Variants in RNF25 observed in about 807,000 individuals in gnomAD.
RNF25 encodes ring finger protein 25, also known as E3 ubiquitin-protein ligase RNF25.
A neutral mutation model predicts 65.0 loss-of-function variants in RNF25; 32 were observed. That is an observed-to-expected ratio of 0.49 (90% CI 0.37 to 0.66). The LOEUF is 0.66. Ranked by LOEUF, RNF25 falls within the 30% of genes least tolerant of loss-of-function variation. The probability of loss-of-function intolerance (pLI) is 0.00; values close to 1 mark genes in which losing one functional copy is unlikely to be tolerated. For synonymous variants in RNF25, 207 were observed against 221.2 expected, an observed-to-expected ratio of 0.94 and a Z score of 0.57; for missense variants, 493 against 584.8, an observed-to-expected ratio of 0.84 and a Z score of 1.62.
In RNF25 at chr2:218,668,243, G is replaced by A. The variant is rs748720228; in HGVS notation, c.215C>T (p.Ala72Val). The A allele has an allele frequency of 6.2e-7, 1 of 1,613,678 alleles. No individual in the cohort carries two copies. Among genetic ancestry groups the A allele is most frequent in the African/African-American group, 1.3e-5 (1 of 74,928 alleles). ...GCCACACAGTAGGGGCTTCACCTCTGCTGGGACCTGAAGCACCAGAGTGAA... is the reference window on the plus strand; with the variant it reads ...GCCACACAGTAGGGGCTTCACCTCTACTGGGACCTGAAGCACCAGAGTGAA... ...VCFTLVLQVPAEYPHEVPQIS... is the reference protein window; with the variant it reads ...VCFTLVLQVPVEYPHEVPQIS... The change falls in exon 3 of 10, where the codon GCA becomes GTA. Residue 72 changes from alanine to valine, a missense_variant. Physicochemically the swap from Ala to Val is moderately conservative, Grantham distance 64 (BLOSUM62 0). Transcript: ENST00000295704.
In RNF25 at chr2:218,668,634, A is replaced by G; in HGVS notation, c.87T>C (p.Asp29=). 3.1e-6 allele frequency: 5 copies of G among 1,612,234 alleles called. No individual in the cohort carries two copies. Among genetic ancestry groups the G allele is most frequent in the Non-Finnish European group, 4.2e-6 (5 of 1,178,352 alleles). Residue 29 remains aspartate, a synonymous_variant, in exon 2 of 10, where the codon GAT becomes GAC. Coordinates refer to ENST00000295704, the MANE Select transcript of RNF25 (RefSeq NM_022453.3). ...CATTTCCTTTAATCACCTGTAGTTC[A>G]TCTAGATAGATGGACTCCAATACTT... ...EVEVLESIYL[D]ELQVIKGNGR... is the part of the protein sequence containing the mutation.
Position 218,665,238 on chromosome 2 carries a change from C to T in RNF25, c.583G>A (p.Gly195Ser), listed in dbSNP as rs772481330. The T allele has an allele frequency of 7.3e-5, 117 of 1,613,094 alleles. 2 individuals carry two copies. The highest frequency in any genetic ancestry group is 4.4e-4 in the South Asian group (40 of 90,990). The change falls in exon 8 of 10, where the codon GGT becomes AGT. Residue 195 changes from glycine to serine, a missense_variant. Physicochemically the swap from Gly to Ser is moderately conservative, Grantham distance 56. Coordinates refer to ENST00000295704, the MANE Select transcript of RNF25 (RefSeq NM_022453.3). ...QHATTKQKAV[G>S]VQCPVCREPL... is the part of the protein sequence containing the mutation. ...TCTCTGCACACTGGACACTGCACAC[C>T]GACTGCCTTCTAAAAAAGAGAAAAA...
chr2:218,668,403 A>G, intron 2 of RNF25, 62 bp from the exon 3 acceptor site: 1 of 849,764 alleles, frequency 1.2e-6, no homozygotes, highest in Non-Finnish European at 1.9e-6. Flanking sequence ...GCTGGGGAGG[A>G]TGGGGCTGAG....
chr2:218,668,785 G>GC, intron 1 of RNF25, 106 bp from the exon 2 acceptor site: 2 of 771,866 alleles, frequency 2.6e-6, no homozygotes, highest in East Asian at 2.5e-5. Context: ...CTACCAGAAT[G>GC]CATTCTCCTG....
At chr2:218,666,116 G>C in intron 6 of RNF25, 43 bp downstream of exon 6, 1 of 1,611,642 alleles carries the variant, frequency 6.2e-7, no homozygotes, top group East Asian at 2.2e-5. Context: ...GCCCTCATCT[G>C]CTGGTCCCAA....
At chr2:218,669,550 T>C (rs576221783) in intron 1 of RNF25, among the ~76,000 whole-genome samples, 27 of 152,300 alleles carry the variant, frequency 1.8e-4, no homozygotes, top group African/African-American at 5.8e-4. Context: ...TAGATCAGCC[T>C]GTTGAGGTTA....
At position 218,664,492 on chromosome 2, in the gene RNF25, T is replaced by C. The variant is rs1463129149; in HGVS notation, c.845A>G (p.Lys282Arg). ...AAGGGTGCTGGGTGGTTGGGATCCT[T>C]TGGAGACATCTACAGCTGACTCAGG... ...AEPESAVDVS[K>R]GSQPPSTLAA... Residue 282 changes from lysine to arginine, a missense_variant, in exon 10 of 10, where the codon AAA becomes AGA. This residue lies in a region of RNF25 where 351 missense variants were observed against 400.2 expected (regional missense o/e 0.88). Coordinates refer to ENST00000295704, the MANE Select transcript of RNF25 (RefSeq NM_022453.3). This position sits in a 1 kb window ranked among gnomAD's most constrained non-coding sequence, Gnocchi z 5.1. 1.9e-6 allele frequency: 3 copies of C among 1,613,978 alleles called. No homozygotes were observed. Among genetic ancestry groups the C allele is most frequent in the Non-Finnish European group, 2.5e-6 (3 of 1,180,014 alleles).
chr2:218,664,468 A>C lies in RNF25; in HGVS notation c.869T>G (p.Leu290Arg). 1 of 1,614,138 alleles carries C rather than the reference A, an allele frequency of 6.2e-7. No homozygotes were observed. The highest frequency in any genetic ancestry group is 2.2e-5 in the East Asian group (1 of 44,884). ...VSKGSQPPST[L>R]AAELSTSPAV... ...TGGTGAGGTGGATAGTTCTGCTGCA[A>C]GGGTGCTGGGTGGTTGGGATCCTTT... is the stretch of plus-strand genomic sequence containing the variant. Residue 290 changes from leucine (L) to arginine (R), a missense_variant, in exon 10 of 10, where the codon CTT becomes CGT. Physicochemically the swap from Leu to Arg is moderately radical, Grantham distance 102 (BLOSUM62 -2). Transcript: ENST00000295704. The surrounding 1 kb of genome is among the most constrained non-coding windows in gnomAD (Gnocchi z 5.1).
rs753740435 is a variant in RNF25, at chr2:218,664,573, G to T, written c.802-38C>A. ...GACAAGATGCAGTGAGGGAGATGCA[G>T]TTCCTCAAGGTGGGGAACTACAGGC... On this transcript the variant is annotated intron_variant, in intron 9 of 9. Coordinates refer to ENST00000295704, the MANE Select transcript of RNF25 (RefSeq NM_022453.3). The surrounding 1 kb of genome is among the most constrained non-coding windows in gnomAD (Gnocchi z 5.1). 6.3e-7 allele frequency: 1 copy of T among 1,592,286 alleles called. No individual in the cohort carries two copies. Among genetic ancestry groups the T allele is most frequent in the Non-Finnish European group, 8.6e-7 (1 of 1,165,930 alleles).
chr2:218,665,313 G>T, intron 7 of RNF25, 66 bp from the exon 8 acceptor site: 1 of 1,435,784 alleles, frequency 7.0e-7, no homozygotes, highest in Non-Finnish European at 9.6e-7. Context: ...TGACCCATCA[G>T]CCAACCTAAT....
In RNF25 at chr2:218,668,279, T is replaced by C. The variant is rs890114134; in HGVS notation, c.179A>G (p.Gln60Arg). 6.2e-7 allele frequency: 1 copy of C among 1,613,968 alleles called. No individual in the cohort carries two copies. The highest frequency in any genetic ancestry group is 1.3e-5 in the African/African-American group (1 of 74,900). ...AAGCACCAGAGTGAAGCAGACATAC[T>C]GTGAATCCTGGTCCTCTGCAGTGGC... ...HPATAEDQDS[Q>R]YVCFTLVLQV... The change falls in exon 3 of 10, where the codon CAG becomes CGG. Residue 60 changes from glutamine to arginine, a missense_variant. Transcript: ENST00000295704.
At chr2:218,665,833 C>A in intron 7 of RNF25, 83 bp downstream of exon 7, 1 of 1,526,898 alleles carries the variant, frequency 6.5e-7, no homozygotes, top group Non-Finnish European at 8.8e-7. Context: ...AAGTGAAGAG[C>A]CACTGGAGTG....
At chr2:218,666,771 T>C (rs959598543) in intron 5 of RNF25, among the ~76,000 whole-genome samples, 2 of 152,238 alleles carry the variant, frequency 1.3e-5, no homozygotes, top group South Asian at 4.1e-4. Context: ...AAGGCTGCAT[T>C]GTGGAGGCCT....
At chr2:218,665,835 A>T in intron 7 of RNF25, 81 bp downstream of exon 7, 1 of 1,530,174 alleles carries the variant, frequency 6.5e-7, no homozygotes, top group South Asian at 1.3e-5. Context: ...GTGAAGAGCC[A>T]CTGGAGTGGA....
intron 1 of RNF25, among the ~76,000 whole-genome samples, chr2:218,669,025 G>C (rs1291303632): frequency 6.6e-6 from 1 of 152,174 alleles, no homozygotes; most frequent in Non-Finnish European, 1.5e-5. Flanking sequence ...CTCTGGTCTA[G>C]AGATATGGCA....
At chr2:218,666,748 T>C (rs895980087) in intron 5 of RNF25, among the ~76,000 whole-genome samples, 3 of 152,230 alleles carry the variant, frequency 2.0e-5, no homozygotes, top group African/African-American at 7.2e-5. Flanking sequence ...TACTCTGGAA[T>C]TCCACAAAGT....
intron 5 of RNF25, 93 bp from the exon 6 acceptor site, chr2:218,666,323 G>A (rs1484054015): frequency 3.9e-6 from 4 of 1,023,548 alleles, no homozygotes; most frequent in Non-Finnish European, 6.0e-6. Flanking sequence ...GCTAGACTTG[G>A]CTCCTAGCAG....
rs777134167 is a variant in RNF25, at chr2:218,664,795, C to T, written c.745G>A (p.Gly249Arg). Residue 249 changes from glycine to arginine, a missense_variant, in exon 9 of 10, where the codon GGG becomes AGG. Coordinates refer to ENST00000295704, the MANE Select transcript of RNF25 (RefSeq NM_022453.3). The surrounding 1 kb of genome is among the most constrained non-coding windows in gnomAD (Gnocchi z 5.1). ...TCAGCCTCAAGGTCAATGATTCCCC[C>T]CCGCTCCTGCTGCCTCTGGTAGAGC... ...KRLYQRQQER[G>R]GIIDLEAERN... 2.5e-6 allele frequency: 4 copies of T among 1,614,140 alleles called. No individual in the cohort carries two copies. Among genetic ancestry groups the T allele is most frequent in the East Asian group, 4.5e-5 (2 of 44,888 alleles).
chr2:218,670,567 G>T (rs1939930676), intron 1 of RNF25, among the ~76,000 whole-genome samples: 1 of 150,964 alleles, frequency 6.6e-6, no homozygotes, highest in Admixed American at 6.6e-5. Context: ...GTGGTGGCGG[G>T]CGCCTGTAGT....
Sources: gnomAD v4.1 joint callset for allele counts (sites outside exome capture counted in the v4.1 genomes callset) on GRCh38, gnomAD v4.1.1 for gene constraint, gnomAD v4.1.1 regional missense constraint, Gnocchi (gnomAD v3.1) non-coding constraint, MANE v1.5 for transcripts, NCBI Gene and HGNC (gene_info 2026-07-23, HGNC 2026-07-21) for gene names.